The following NT5E variants were observed in gnomAD, a reference collection of about 807,000 sequenced individuals.
The protein encoded by NT5E is 5'-nucleotidase ecto.
A neutral mutation model predicts 55.1 loss-of-function variants in NT5E; 53 were observed. The observed-to-expected ratio is 0.96, with a 90% CI of 0.77 to 1.21. The LOEUF is 1.21. Ranked by LOEUF, NT5E falls within the 50% of genes most tolerant of loss-of-function variation. NT5E has a pLI of 0.00. For missense variants in NT5E, 683 were observed against 724.3 expected (o/e 0.94, Z 0.65); for synonymous variants, 270 against 278.4 (o/e 0.97, Z 0.30).
At chr6:85,468,363 C>A (rs909453715) in intron 2 of NT5E, among the ~76,000 whole-genome samples, 7 of 152,092 alleles carry the variant, frequency 4.6e-5, no homozygotes, top group Non-Finnish European at 8.8e-5. Flanking sequence ...AAGAACCCCC[C>A]AACCCCACCC....
intron 1 of NT5E, among the ~76,000 whole-genome samples, chr6:85,463,005 AT>A (rs1404963984): frequency 6.6e-6 from 1 of 152,078 alleles, no homozygotes; most frequent in Non-Finnish European, 1.5e-5. Flanking sequence ...GAATGAAACA[AT>A]TTTTTTGAGA....
chr6:85,450,938 G>T lies in NT5E; in HGVS notation c.339+460G>T, dbSNP rs1041785102. 1.3e-5 allele frequency among the ~76,000 whole-genome samples: 2 copies of T among 152,228 alleles called. No individual in the cohort carries two copies. Among genetic ancestry groups the T allele is most frequent in the African/African-American group, 4.8e-5 (2 of 41,566 alleles). ...GAATAAATTAACAGGCACCATCCCCGCAAAAAGGGAGACGTGATAAGAATG... is the reference window on the plus strand; with the variant it reads ...GAATAAATTAACAGGCACCATCCCCTCAAAAAGGGAGACGTGATAAGAATG... On this transcript the variant is annotated intron_variant, in intron 1 of 8. Coordinates refer to ENST00000257770, the MANE Select transcript of NT5E (RefSeq NM_002526.4). This position sits in a 1 kb window ranked among gnomAD's most constrained non-coding sequence, Gnocchi z 4.0.
intron 3 of NT5E, 109 bp downstream of exon 3, chr6:85,471,534 T>TAC: frequency 1.4e-6 from 1 of 722,416 alleles, no homozygotes; most frequent in Non-Finnish European, 2.3e-6. Context: ...ATATGTAATG[T>TAC]ATATTATATG....
At chr6:85,487,524 A>T in intron 5 of NT5E, 35 bp downstream of exon 5, 1 of 1,611,428 alleles carries the variant, frequency 6.2e-7, no homozygotes, top group Non-Finnish European at 8.5e-7. Context: ...TATGCTAGGG[A>T]GGAAGGAAAG....
Position 85,462,859 on chromosome 6 carries a change from C to T in NT5E, c.340-4201C>T, listed in dbSNP as rs79774496. On this transcript the variant is annotated intron_variant, in intron 1 of 8. Coordinates refer to ENST00000257770, the MANE Select transcript of NT5E (RefSeq NM_002526.4). ...GGAAACAGGTGAAAAGCTTAGCCAG[C>T]AGCTTCACAATTCACAGCCTGGCAC... 7.2e-3 allele frequency among the ~76,000 whole-genome samples: 1,092 copies of T among 152,352 alleles called. 14 individuals are homozygous for T. The highest frequency in any genetic ancestry group is 0.025 in the African/African-American group (1,045 of 41,580).
chr6:85,464,791 CTG>C (rs1321075599), intron 1 of NT5E, among the ~76,000 whole-genome samples: 1 of 152,150 alleles, frequency 6.6e-6, no homozygotes, highest in Non-Finnish European at 1.5e-5. Context: ...TGGATGGAAA[CTG>C]GAGCATTTAG....
intron 3 of NT5E, among the ~76,000 whole-genome samples, chr6:85,480,052 C>G (rs1355091651): frequency 1.3e-5 from 2 of 152,146 alleles, no homozygotes; most frequent in African/African-American, 4.8e-5. Context: ...AGACCATGGG[C>G]CTGGTCTTGC....
intron 3 of NT5E, among the ~76,000 whole-genome samples, chr6:85,474,660 A>G (rs1769388972): frequency 6.6e-6 from 1 of 152,226 alleles, no homozygotes; most frequent in Non-Finnish European, 1.5e-5. Flanking sequence ...TGGGCACAGC[A>G]GCTCATGCCT....
intron 8 of NT5E, among the ~76,000 whole-genome samples, 183 bp downstream of exon 8, chr6:85,492,360 A>G (rs1769804622): frequency 6.6e-6 from 1 of 152,236 alleles, no homozygotes; most frequent in Admixed American, 6.5e-5. Flanking sequence ...ATCCCCGAGC[A>G]CACACATGCC....
At chr6:85,492,914 T>C (rs1197954105) in intron 8 of NT5E, among the ~76,000 whole-genome samples, 11 of 152,134 alleles carry the variant, frequency 7.2e-5, no homozygotes, top group African/African-American at 2.4e-5. Flanking sequence ...CCAAGGAGCG[T>C]GGAGGGCAGG....
At chr6:85,462,630 TGAGCTCTGGCACCAGTGCC>T (rs1769118828) in intron 1 of NT5E, among the ~76,000 whole-genome samples, 1 of 152,210 alleles carries the variant, frequency 6.6e-6, no homozygotes, top group Non-Finnish European at 1.5e-5. Context: ...TGACACCAGG[TGAGCTCTGGCACCAGTGCC>T]CAGCAGATGA....
intron 1 of NT5E, among the ~76,000 whole-genome samples, chr6:85,453,150 G>A (rs11752251): frequency 0.43 from 65,173 of 151,958 alleles, 15,167 homozygotes; most frequent in Admixed American, 0.56. Flanking sequence ...AAACTCTCCA[G>A]TTAGTGTAGC....
intron 1 of NT5E, among the ~76,000 whole-genome samples, chr6:85,453,091 G>A (rs1768920716): frequency 6.6e-6 from 1 of 152,108 alleles, no homozygotes; most frequent in African/African-American, 2.4e-5. Flanking sequence ...GGCAATCCTG[G>A]AGACCCCCTG....
At chr6:85,453,017 CTT>C (rs1254524157) in intron 1 of NT5E, among the ~76,000 whole-genome samples, 3 of 152,188 alleles carry the variant, frequency 2.0e-5, no homozygotes, top group African/African-American at 7.2e-5. Context: ...CGAGCAGGAA[CTT>C]CCAAGGAGGT....
intron 3 of NT5E, among the ~76,000 whole-genome samples, chr6:85,476,465 G>A (rs1769438857): frequency 6.6e-6 from 1 of 152,192 alleles, no homozygotes; most frequent in Non-Finnish European, 1.5e-5. Context: ...CGGCCCCGCA[G>A]CAGCATCTAG....
intron 5 of NT5E, among the ~76,000 whole-genome samples, chr6:85,489,248 G>A (rs772872996): frequency 2.6e-5 from 4 of 152,160 alleles, no homozygotes; most frequent in Non-Finnish European, 5.9e-5. Flanking sequence ...ATTTTGCTAA[G>A]GCCACCTGGC....
intron 1 of NT5E, among the ~76,000 whole-genome samples, chr6:85,465,573 GA>G (rs1769177566): frequency 6.6e-6 from 1 of 152,168 alleles, no homozygotes; most frequent in Non-Finnish European, 1.5e-5. Context: ...AGAGATGGGG[GA>G]AAAGGCAAAT....
At chr6:85,458,559 A>G (rs1769032334) in intron 1 of NT5E, among the ~76,000 whole-genome samples, 1 of 152,250 alleles carries the variant, frequency 6.6e-6, no homozygotes, top group Non-Finnish European at 1.5e-5. Flanking sequence ...CTTTCTGCAC[A>G]TCACTCACAA....
At chr6:85,473,469 G>A (rs1769362132) in intron 3 of NT5E, among the ~76,000 whole-genome samples, 2 of 152,136 alleles carry the variant, frequency 1.3e-5, no homozygotes, top group Admixed American at 1.3e-4. Flanking sequence ...AGCACCCTTG[G>A]ACACACAGTG....
Sources: allele counts gnomAD v4.1 joint callset (sites outside exome capture counted in the v4.1 genomes callset), GRCh38; gene constraint gnomAD v4.1.1; non-coding constraint Gnocchi (gnomAD v3.1); transcripts MANE v1.5; gene names NCBI Gene and HGNC (gene_info 2026-07-23, HGNC 2026-07-21).